Variants in TAS2R1 observed in about 807,000 individuals in gnomAD.
TAS2R1 encodes the protein taste 2 receptor member 1, also known as taste receptor type 2 member 1.
For synonymous variants in TAS2R1, 141 were observed against 134.2 expected (o/e 1.05, Z -0.35); for missense variants, 370 against 353.4 (o/e 1.05, Z -0.38).
the TAS2R1 span, among the ~76,000 whole-genome samples, chr5:9,780,673 A>ATG: frequency 0.29 from 43,788 of 151,532 alleles, 6,527 homozygotes; most frequent in Middle Eastern, 0.43. Flanking sequence ...AACTAACAGA[A>ATG]TGTGTGTGTG....
intron 1 of TAS2R1, among the ~76,000 whole-genome samples, chr5:9,676,066 G>A (rs1196379560): frequency 6.6e-6 from 1 of 152,030 alleles, no homozygotes; most frequent in African/African-American, 2.4e-5. Context: ...TTCTAAAAGG[G>A]TGTTAAAATT....
chr5:9,866,088 ATCTC>A, the TAS2R1 span, among the ~76,000 whole-genome samples: 1 of 151,976 alleles, frequency 6.6e-6, no homozygotes, highest in South Asian at 2.1e-4. Context: ...GAGACTTTTT[ATCTC>A]TCTGTGTTTT....
chr5:9,633,294 T>TTATATATATATATATATATA (rs200096603), upstream of TAS2R1, among the ~76,000 whole-genome samples: 75 of 67,778 alleles, frequency 1.1e-3, no homozygotes, highest in Middle Eastern at 6.2e-3. Context: ...TGTGTGTATA[T>TTATATATATATATATATATA]TATATATATA....
At chr5:9,697,104 G>C (rs1561382035) in intron 1 of TAS2R1, among the ~76,000 whole-genome samples, 2 of 151,602 alleles carry the variant, frequency 1.3e-5, no homozygotes, top group African/African-American at 4.9e-5. Context: ...AGGAAGAGAA[G>C]GAGAGAAAGA....
At chr5:9,799,132 T>C in the TAS2R1 span, among the ~76,000 whole-genome samples, 1 of 152,180 alleles carries the variant, frequency 6.6e-6, no homozygotes. Flanking sequence ...AAGCGCCACT[T>C]GTCACTAGGT....
the TAS2R1 span, among the ~76,000 whole-genome samples, chr5:9,898,538 T>C: frequency 6.6e-6 from 1 of 152,206 alleles, no homozygotes; most frequent in African/African-American, 2.4e-5. Flanking sequence ...CACATCACCA[T>C]GAAAGCAGGT....
At chr5:9,793,064 C>T in the TAS2R1 span, among the ~76,000 whole-genome samples, 10 of 152,196 alleles carry the variant, frequency 6.6e-5, no homozygotes, top group Non-Finnish European at 1.3e-4. Context: ...TCCACCTATA[C>T]ATAGAGCATG....
At chr5:9,734,276 T>A in the TAS2R1 span, among the ~76,000 whole-genome samples, 1 of 152,220 alleles carries the variant, frequency 6.6e-6, no homozygotes, top group African/African-American at 2.4e-5. Flanking sequence ...CTGTTGCTAA[T>A]AAATTACCCA....
At chr5:9,877,397 T>C in the TAS2R1 span, among the ~76,000 whole-genome samples, 1 of 152,250 alleles carries the variant, frequency 6.6e-6, no homozygotes, top group East Asian at 1.9e-4. Flanking sequence ...CAAGATTTTC[T>C]AGCAGCAAAT....
chr5:9,792,151 A>G, the TAS2R1 span, among the ~76,000 whole-genome samples: 2 of 152,126 alleles, frequency 1.3e-5, no homozygotes, highest in African/African-American at 4.8e-5. Context: ...ACTTTTTTCT[A>G]CTGATCATCT....
intron 1 of TAS2R1, among the ~76,000 whole-genome samples, chr5:9,670,514 C>T (rs1159233798): frequency 6.6e-6 from 1 of 152,200 alleles, no homozygotes; most frequent in Non-Finnish European, 1.5e-5. Flanking sequence ...TGTGGCTGCA[C>T]TGGCATCTCT....
chr5:9,877,649 T>G, the TAS2R1 span, among the ~76,000 whole-genome samples: 2 of 152,230 alleles, frequency 1.3e-5, no homozygotes, highest in Non-Finnish European at 2.9e-5. Flanking sequence ...GAGTATTAAG[T>G]GCTGTCTCTG....
At chr5:9,894,858 G>T in the TAS2R1 span, among the ~76,000 whole-genome samples, 1 of 152,240 alleles carries the variant, frequency 6.6e-6, no homozygotes, top group Non-Finnish European at 1.5e-5. Context: ...ACAAAGCAAA[G>T]GTTGCCTTAT....
upstream of TAS2R1, among the ~76,000 whole-genome samples, chr5:9,717,152 C>T (rs1734829735): frequency 6.6e-6 from 1 of 152,160 alleles, no homozygotes; most frequent in African/African-American, 2.4e-5. Flanking sequence ...ATGAAATAGA[C>T]AATGCAAAAC....
At chr5:9,748,402 C>T in the TAS2R1 span, among the ~76,000 whole-genome samples, 1 of 152,088 alleles carries the variant, frequency 6.6e-6, no homozygotes, top group Admixed American at 6.5e-5. Flanking sequence ...TATAAAAGAG[C>T]TTGTCTTAGT....
At chr5:9,704,570 C>T (rs1047363495) in intron 1 of TAS2R1, among the ~76,000 whole-genome samples, 1 of 151,902 alleles carries the variant, frequency 6.6e-6, no homozygotes, top group African/African-American at 2.4e-5. Flanking sequence ...GAAGCAGAAA[C>T]ATACAGATTT....
chr5:9,746,319 G>A, the TAS2R1 span, among the ~76,000 whole-genome samples: 1 of 152,200 alleles, frequency 6.6e-6, no homozygotes, highest in South Asian at 2.1e-4. Flanking sequence ...CTATTGCTGG[G>A]AATGTAAATT....
At position 9,660,267 on chromosome 5, in the gene TAS2R1, G is replaced by A. The variant is rs1438738238; in HGVS notation, c.-241-686C>T. On this transcript the variant is annotated intron_variant, in intron 1 of 2. Coordinates refer to the TAS2R1 transcript ENST00000506620. Reference sequence around the variant, plus strand: ...TTTTTTTTGTATTTTTAGTAGAGACGGGGTTTCACTGTGTTAGCCAGGATG... The same window carrying A: ...TTTTTTTTGTATTTTTAGTAGAGACAGGGTTTCACTGTGTTAGCCAGGATG... 1.7e-4 allele frequency among the ~76,000 whole-genome samples: 24 copies of A among 144,620 alleles called. No homozygotes were observed. The South Asian group carries it at 4.3e-3, about 26-fold the overall frequency. 94.9% of individuals were successfully genotyped at this position (144,620 alleles called of 152,430 possible). A position where few individuals can be genotyped will look rare whatever the true frequency, so the allele number is the denominator to read the frequency against.
chr5:9,666,430 A>C (rs1740634045), intron 1 of TAS2R1, among the ~76,000 whole-genome samples: 1 of 152,144 alleles, frequency 6.6e-6, no homozygotes, highest in African/African-American at 2.4e-5. Flanking sequence ...ATGTCTACAA[A>C]ATATCTTCAT....
Sources: allele counts gnomAD v4.1 joint callset (sites outside exome capture counted in the v4.1 genomes callset), GRCh38; gene constraint gnomAD v4.1.1; transcripts MANE v1.5; gene names NCBI Gene and HGNC (gene_info 2026-07-23, HGNC 2026-07-21).